Variants in MICU1 observed in about 807,000 individuals in gnomAD.
MICU1 encodes calcium uptake protein 1, mitochondrial.
A neutral mutation model predicts 56.8 loss-of-function variants in MICU1; 45 were observed. That is an observed-to-expected ratio of 0.79 (90% confidence interval 0.62 to 1.02). The LOEUF is 1.02. MICU1 is among the 50% of genes least tolerant of loss of function. The pLI is 0.00. For synonymous variants in MICU1, 186 were observed against 195.1 expected, an observed-to-expected ratio of 0.95 and a Z score of 0.39; for missense variants, 504 against 587.1, an observed-to-expected ratio of 0.86 and a Z score of 1.46.
At chr10:72,533,340 C>T (rs574134826) in intron 5 of MICU1, among the ~76,000 whole-genome samples, 28 of 152,150 alleles carry the variant, frequency 1.8e-4, no homozygotes, top group Non-Finnish European at 3.4e-4. Flanking sequence ...AAAAGCACTA[C>T]AAGGACCTTT....
intron 1 of MICU1, among the ~76,000 whole-genome samples, chr10:72,615,804 C>T (rs1374781369): frequency 2.6e-5 from 4 of 152,038 alleles, no homozygotes; most frequent in Non-Finnish European, 5.9e-5. Flanking sequence ...TCCTGGCTAA[C>T]ACAGTGAAAC....
At chr10:72,600,033 T>C (rs1192312172) in intron 1 of MICU1, among the ~76,000 whole-genome samples, 1 of 152,202 alleles carries the variant, frequency 6.6e-6, no homozygotes, top group Non-Finnish European at 1.5e-5. Flanking sequence ...GGCTCACGCC[T>C]GTAATCCCAC....
At chr10:72,621,974 C>T (rs567883329) in intron 1 of MICU1, among the ~76,000 whole-genome samples, 10 of 152,282 alleles carry the variant, frequency 6.6e-5, no homozygotes, top group African/African-American at 2.4e-4. Flanking sequence ...AGTGCAGTGG[C>T]ACGATCTCAG....
chr10:72,594,320 T>C (rs1280572919), intron 1 of MICU1, among the ~76,000 whole-genome samples: 2 of 152,082 alleles, frequency 1.3e-5, no homozygotes, highest in African/African-American at 4.8e-5. Flanking sequence ...GAAAGCACTA[T>C]AAATGGTGCT....
chr10:72,605,951 T>A (rs1201359823), intron 1 of MICU1, among the ~76,000 whole-genome samples: 2 of 151,326 alleles, frequency 1.3e-5, no homozygotes, highest in African/African-American at 4.9e-5. Flanking sequence ...GTCAACATGG[T>A]GAAACCCTAT....
chr10:72,620,398 CTGGTTTCGAACTCCT>C (rs1564516114), intron 1 of MICU1, among the ~76,000 whole-genome samples: 1 of 152,052 alleles, frequency 6.6e-6, no homozygotes, highest in African/African-American at 2.4e-5. Flanking sequence ...GTTGCCCAGG[CTGGTTTCGAACTCCT>C]GACCTCAAGT....
At chr10:72,449,234 C>T (rs1289750157) in intron 8 of MICU1, among the ~76,000 whole-genome samples, 1 of 152,036 alleles carries the variant, frequency 6.6e-6, no homozygotes, top group Non-Finnish European at 1.5e-5. Context: ...CCTGTCTCTA[C>T]CAAAAATACA....
intron 8 of MICU1, among the ~76,000 whole-genome samples, chr10:72,453,353 T>C (rs1259680292): frequency 6.6e-6 from 1 of 152,128 alleles, no homozygotes; most frequent in African/African-American, 2.4e-5. Flanking sequence ...CGATATTCTT[T>C]ATGACAAGCT....
intron 5 of MICU1, chr10:72,509,300 C>T: frequency 1.0e-6 from 1 of 961,934 alleles, no homozygotes; most frequent in Non-Finnish European, 1.5e-6. Context: ...AAGTAAGAGG[C>T]AGCATTGCAG....
intron 1 of MICU1, among the ~76,000 whole-genome samples, chr10:72,612,556 G>C (rs1841879086): frequency 6.6e-6 from 1 of 152,132 alleles, no homozygotes; most frequent in Non-Finnish European, 1.5e-5. Context: ...CAGAGCTTTG[G>C]GTGGCTGAAG....
chr10:72,460,446 G>A (rs960241120), intron 8 of MICU1, among the ~76,000 whole-genome samples: 9 of 152,086 alleles, frequency 5.9e-5, no homozygotes, highest in Admixed American at 5.9e-4. Flanking sequence ...TTAATGTGTG[G>A]TAGATTGATA....
chr10:72,412,368 T>C (rs989391259), intron 9 of MICU1, among the ~76,000 whole-genome samples: 2 of 152,238 alleles, frequency 1.3e-5, no homozygotes, highest in African/African-American at 4.8e-5. Context: ...CTGTGACTAA[T>C]TGTTCAACAA....
chr10:72,508,933 T>C (rs1314479458), intron 5 of MICU1, among the ~76,000 whole-genome samples: 2 of 152,168 alleles, frequency 1.3e-5, no homozygotes, highest in East Asian at 3.8e-4. Flanking sequence ...GATGAAACTG[T>C]CTCCTACAAC....
chr10:72,491,772 A>T (rs1174221008), intron 6 of MICU1, among the ~76,000 whole-genome samples: 1 of 152,208 alleles, frequency 6.6e-6, no homozygotes. Context: ...TTTCTTCATT[A>T]TAAGAATCTA....
intron 10 of MICU1, among the ~76,000 whole-genome samples, chr10:72,391,347 G>A (rs1415212735): frequency 2.6e-5 from 4 of 152,008 alleles, no homozygotes; most frequent in Admixed American, 6.6e-5. Flanking sequence ...CAGGAGGATC[G>A]CTTGAATCTG....
rs78137477 is a variant in MICU1 at position 72,468,418 on chromosome 10, C to T, written c.933+6682G>A. On this transcript the variant is annotated intron_variant, in intron 8 of 11. Coordinates refer to ENST00000361114, the MANE Select transcript of MICU1 (RefSeq NM_001195518.2). ...GTTTTGACTGACATCCTACTTGCTA[C>T]AGTCATTAAGAAATCAATGAATATA... Among the ~76,000 whole-genome samples, 423 of 151,624 alleles carry T rather than the reference C, an allele frequency of 2.8e-3. 3 individuals carry two copies. The highest frequency in any genetic ancestry group is 9.7e-3 in the African/African-American group (399 of 41,338).
intron 2 of MICU1, among the ~76,000 whole-genome samples, chr10:72,564,133 A>G (rs984691216): frequency 6.6e-6 from 1 of 152,236 alleles, no homozygotes; most frequent in African/African-American, 2.4e-5. Flanking sequence ...TTACAGCCAT[A>G]ATGGAGCAAA....
intron 10 of MICU1, among the ~76,000 whole-genome samples, chr10:72,401,749 A>T (rs1863462646): frequency 6.6e-6 from 1 of 152,166 alleles, no homozygotes; most frequent in Non-Finnish European, 1.5e-5. Flanking sequence ...ATCTCAGCAA[A>T]TTTCAAGTGT....
chr10:72,568,326 T>C (rs1233232071), intron 1 of MICU1, among the ~76,000 whole-genome samples: 2 of 152,304 alleles, frequency 1.3e-5, no homozygotes, highest in African/African-American at 2.4e-5. Context: ...GCAAAATTAC[T>C]TTTCTACTTT....
Sources: gnomAD v4.1 joint callset for allele counts (sites outside exome capture counted in the v4.1 genomes callset) on GRCh38, gnomAD v4.1.1 for gene constraint, MANE v1.5 for transcripts, NCBI Gene and HGNC (gene_info 2026-07-23, HGNC 2026-07-21) for gene names.